LRRTM4: variants seen among roughly 807,000 people sequenced by gnomAD.
The protein encoded by LRRTM4 is leucine-rich repeat transmembrane neuronal protein 4.
LRRTM4 carries 25 observed loss-of-function variants against 47.6 expected under a neutral mutation model. The ratio of observed to expected loss-of-function variants is 0.53; its 90% CI spans 0.38 to 0.73. The LOEUF is 0.73. Among genes scored for constraint, LRRTM4 ranks in the 30% least tolerant of loss-of-function variants. The pLI is 0.00. For missense variants in LRRTM4, 638 were observed against 713.4 expected (o/e 0.89, Z 1.20); for synonymous variants, 311 against 269.5 (o/e 1.15, Z -1.51).
chr2:77,375,770 C>G (rs1672816001), intron 3 of LRRTM4, among the ~76,000 whole-genome samples: 1 of 151,666 alleles, frequency 6.6e-6, no homozygotes, highest in Non-Finnish European at 1.5e-5. Flanking sequence ...GGATTTCTTT[C>G]TTTTCCAATT....
intron 3 of LRRTM4, among the ~76,000 whole-genome samples, chr2:77,192,605 C>CAATTTGGTAAAA (rs1673701873): frequency 6.6e-6 from 1 of 151,794 alleles, no homozygotes; most frequent in Non-Finnish European, 1.5e-5. Context: ...TTTGGTAAAT[C>CAATTTGGTAAAA]ATTCCAAATA....
chr2:77,509,118 G>C (rs2104098475), intron 3 of LRRTM4, among the ~76,000 whole-genome samples: 1 of 151,902 alleles, frequency 6.6e-6, no homozygotes, highest in East Asian at 1.9e-4. Context: ...TGTAATCCCA[G>C]CTGCTCAGGA....
intron 3 of LRRTM4, among the ~76,000 whole-genome samples, chr2:76,911,379 G>A (rs993166786): frequency 3.3e-5 from 5 of 152,302 alleles, no homozygotes; most frequent in African/African-American, 9.6e-5. Flanking sequence ...TTCCTGGACA[G>A]CCAAGAACAG....
chr2:77,102,483 G>A (rs554738929), intron 3 of LRRTM4, among the ~76,000 whole-genome samples: 4 of 152,242 alleles, frequency 2.6e-5, no homozygotes, highest in African/African-American at 9.6e-5. Context: ...AAAACATTTA[G>A]CCCATCTACC....
chr2:76,875,645 T>C lies in LRRTM4; in HGVS notation c.1552-126729A>G, dbSNP rs1284392486. Among the ~76,000 whole-genome samples the C allele has an allele frequency of 4.6e-5, 7 of 152,124 alleles. 1 individual carries two copies. The South Asian group carries it at 1.2e-3, about 27-fold the overall frequency. ...CATTAGCAAAAAAGAAAAAAGTCCC[T>C]GGCCTTTGCCTGTTTCTATATATTT... On this transcript the variant is annotated intron_variant, in intron 3 of 3. Coordinates refer to ENST00000409884, the MANE Select transcript of LRRTM4 (RefSeq NM_001134745.3).
At chr2:77,143,921 A>C (rs1375262429) in intron 3 of LRRTM4, among the ~76,000 whole-genome samples, 1 of 152,240 alleles carries the variant, frequency 6.6e-6, no homozygotes, top group Non-Finnish European at 1.5e-5. Flanking sequence ...AATACACTGT[A>C]GTCATCACAT....
chr2:77,319,139 C>A (rs1269040105), intron 3 of LRRTM4, among the ~76,000 whole-genome samples: 1 of 152,100 alleles, frequency 6.6e-6, no homozygotes, highest in African/African-American at 2.4e-5. Flanking sequence ...AAACCTGGCA[C>A]TTTGGGAGGT....
intron 3 of LRRTM4, among the ~76,000 whole-genome samples, chr2:76,985,120 ATTCT>A: frequency 6.6e-6 from 1 of 151,996 alleles, no homozygotes. Flanking sequence ...CCCAAAAGGA[ATTCT>A]TTATCTTCTA....
Position 77,125,034 on chromosome 2 carries a change from T to A in LRRTM4, c.1552-376118A>T, listed in dbSNP as rs541771447. On this transcript the variant is annotated intron_variant, in intron 3 of 3. Coordinates refer to ENST00000409884, the MANE Select transcript of LRRTM4 (RefSeq NM_001134745.3). ...TCTCTATTTTTGAATCATAGTTCCATAAAAGTCATAAAAATAAATTACTAT... is the reference window on the plus strand; with the variant it reads ...TCTCTATTTTTGAATCATAGTTCCAAAAAAGTCATAAAAATAAATTACTAT... 4.4e-4 allele frequency among the ~76,000 whole-genome samples: 67 copies of A among 152,254 alleles called. 1 individual carries two copies. Among genetic ancestry groups the A allele is most frequent in the Middle Eastern group, 3.4e-3 (1 of 294 alleles).
Position 77,101,788 on chromosome 2 carries a change from T to A in LRRTM4, c.1552-352872A>T, listed in dbSNP as rs145594581. 2.4e-3 allele frequency among the ~76,000 whole-genome samples: 361 copies of A among 152,286 alleles called. 4 individuals are homozygous for A. The highest frequency in any genetic ancestry group is 7.5e-3 in the African/African-American group (311 of 41,574). On this transcript the variant is annotated intron_variant, in intron 3 of 3. Coordinates refer to ENST00000409884, the MANE Select transcript of LRRTM4 (RefSeq NM_001134745.3). ...GACCCAAGGTGAACTAAAATCAAGTTCATCACCACTGTTTTTAATAATCTT... is the reference window on the plus strand; with the variant it reads ...GACCCAAGGTGAACTAAAATCAAGTACATCACCACTGTTTTTAATAATCTT...
At chr2:76,749,367 T>C (rs1269163886) in intron 3 of LRRTM4, among the ~76,000 whole-genome samples, 1 of 152,130 alleles carries the variant, frequency 6.6e-6, no homozygotes, top group East Asian at 1.9e-4. Context: ...TTTGTGTAAA[T>C]AAATATATTT....
intron 3 of LRRTM4, among the ~76,000 whole-genome samples, chr2:77,196,372 A>G (rs1026003714): frequency 1.3e-5 from 2 of 152,188 alleles, no homozygotes; most frequent in African/African-American, 4.8e-5. Context: ...AAAGGGCACT[A>G]TGAGAACATT....
At chr2:77,417,083 G>A (rs761526847) in intron 3 of LRRTM4, among the ~76,000 whole-genome samples, 1 of 148,094 alleles carries the variant, frequency 6.8e-6, no homozygotes, top group Non-Finnish European at 1.5e-5. Context: ...AGTGGGCAAA[G>A]GATATGAACA....
chr2:77,485,193 C>A (rs1677860909), intron 3 of LRRTM4, among the ~76,000 whole-genome samples: 1 of 151,770 alleles, frequency 6.6e-6, no homozygotes, highest in African/African-American at 2.4e-5. Context: ...CTCCATGGAG[C>A]CCAAATTCAA....
chr2:77,150,083 T>C (rs1672375145), intron 3 of LRRTM4, among the ~76,000 whole-genome samples: 2 of 152,120 alleles, frequency 1.3e-5, no homozygotes, highest in Admixed American at 6.6e-5. Context: ...GAAGAGCAAA[T>C]ACTTTGATAC....
At chr2:76,833,588 T>C (rs375589689) in intron 3 of LRRTM4, among the ~76,000 whole-genome samples, 1 of 124,596 alleles carries the variant, frequency 8.0e-6, no homozygotes, top group Non-Finnish European at 1.7e-5. Context: ...TCATAATATA[T>C]TACCAGTAAA....
intron 3 of LRRTM4, among the ~76,000 whole-genome samples, chr2:76,785,132 A>G (rs1276268598): frequency 6.6e-6 from 1 of 152,132 alleles, no homozygotes; most frequent in African/African-American, 2.4e-5. Flanking sequence ...TGAAGAAGGA[A>G]GTACAAACAA....
In LRRTM4 at chr2:76,997,056, C is replaced by T. The variant is rs545577988; in HGVS notation, c.1552-248140G>A. Among the ~76,000 whole-genome samples, 17 of 152,208 alleles carry T rather than the reference C, an allele frequency of 1.1e-4. 1 individual carries two copies. The highest frequency in any genetic ancestry group is 9.8e-4 in the Admixed American group (15 of 15,274). On this transcript the variant is annotated intron_variant, in intron 3 of 3. Transcript: ENST00000409884. ...TGTCAAGTGATTTTGAGTATTTATG[C>T]AGAGCTAGATTTTTTTAGATAGCTT...
chr2:77,188,851 C>A (rs1377911545), intron 3 of LRRTM4, among the ~76,000 whole-genome samples: 1 of 152,168 alleles, frequency 6.6e-6, no homozygotes, highest in Admixed American at 6.6e-5. Context: ...GCCTCTAATT[C>A]TAATCCACCA....
Sources: gnomAD v4.1 joint callset for allele counts (sites outside exome capture counted in the v4.1 genomes callset) on GRCh38, gnomAD v4.1.1 for gene constraint, MANE v1.5 for transcripts, NCBI Gene and HGNC (gene_info 2026-07-23, HGNC 2026-07-21) for gene names.